IQCJ: variants seen among roughly 807,000 people sequenced by gnomAD.
IQCJ encodes IQ domain-containing protein J.
In IQCJ, 9 loss-of-function variants were observed where a neutral mutation model predicts 11.0. The ratio of observed to expected loss-of-function variants is 0.82; its 90% confidence interval spans 0.49 to 1.43. The LOEUF (loss-of-function observed/expected upper bound fraction) is 1.43. Ranked by LOEUF, IQCJ falls within the 40% of genes most tolerant of loss-of-function variation. The pLI is 0.00. For missense variants in IQCJ, 146 were observed against 133.2 expected (o/e 1.10, Z -0.47); for synonymous variants, 55 against 51.3 (o/e 1.07, Z -0.31).
chr3:159,114,100 G>T (rs1718803390), intron 1 of IQCJ, among the ~76,000 whole-genome samples: 1 of 152,052 alleles, frequency 6.6e-6, no homozygotes. Context: ...GTGTAAAATT[G>T]GCACTTGCTA....
At chr3:159,090,974 G>A (rs1450152743) in intron 1 of IQCJ, among the ~76,000 whole-genome samples, 1 of 151,878 alleles carries the variant, frequency 6.6e-6, no homozygotes, top group East Asian at 1.9e-4. Context: ...TCCTGCAGAT[G>A]TAGCTAAAAA....
chr3:159,084,776 T>C (rs941520222), intron 1 of IQCJ, among the ~76,000 whole-genome samples: 5 of 152,038 alleles, frequency 3.3e-5, no homozygotes, highest in African/African-American at 4.8e-5. Context: ...GAAAAACTCA[T>C]GAAAATGACA....
At chr3:159,196,385 C>T (rs7651706) in intron 1 of IQCJ, among the ~76,000 whole-genome samples, 15,237 of 152,122 alleles carry the variant, frequency 0.1, 2,572 homozygotes, top group African/African-American at 0.35. Flanking sequence ...TTTAGGGATA[C>T]GGCTCCCAAA....
At chr3:159,171,515 A>C (rs1722483547) in intron 1 of IQCJ, among the ~76,000 whole-genome samples, 1 of 152,162 alleles carries the variant, frequency 6.6e-6, no homozygotes, top group Non-Finnish European at 1.5e-5. Flanking sequence ...GGTAATGCTG[A>C]TGCTGCAGAT....
chr3:159,229,305 A>G (rs1053706954), intron 1 of IQCJ, among the ~76,000 whole-genome samples: 3 of 151,168 alleles, frequency 2.0e-5, no homozygotes, highest in East Asian at 3.9e-4. Context: ...TCTTGGCCCT[A>G]TCTAGAATAT....
At chr3:159,227,791 A>T (rs891230850) in intron 1 of IQCJ, among the ~76,000 whole-genome samples, 1 of 152,244 alleles carries the variant, frequency 6.6e-6, no homozygotes, top group African/African-American at 2.4e-5. Context: ...TTTTCGGAAG[A>T]GCCTTTCCAA....
At chr3:159,147,366 C>A (rs1021973506) in intron 1 of IQCJ, among the ~76,000 whole-genome samples, 15 of 152,188 alleles carry the variant, frequency 9.9e-5, no homozygotes, top group African/African-American at 3.1e-4. Flanking sequence ...TCAATCACAG[C>A]CTTTGCTTCT....
At chr3:159,224,888 A>C (rs1013458432) in intron 1 of IQCJ, among the ~76,000 whole-genome samples, 1 of 152,194 alleles carries the variant, frequency 6.6e-6, no homozygotes, top group Non-Finnish European at 1.5e-5. Flanking sequence ...AATGGGAAAC[A>C]CAAAACACTG....
chr3:159,201,923 A>G (rs974204731), intron 1 of IQCJ, among the ~76,000 whole-genome samples: 9 of 152,288 alleles, frequency 5.9e-5, no homozygotes, highest in East Asian at 5.8e-4. Flanking sequence ...CGTGGAGCTT[A>G]TAGTTTGAAA....
At chr3:159,163,109 A>G (rs1319932907) in intron 1 of IQCJ, among the ~76,000 whole-genome samples, 1 of 152,258 alleles carries the variant, frequency 6.6e-6, no homozygotes, top group Non-Finnish European at 1.5e-5. Flanking sequence ...AGCTGGGCAG[A>G]GACACAACCA....
At chr3:159,161,110 C>T (rs543536119) in intron 1 of IQCJ, among the ~76,000 whole-genome samples, 2 of 152,284 alleles carry the variant, frequency 1.3e-5, no homozygotes, top group South Asian at 4.1e-4. Flanking sequence ...TCGCCACATC[C>T]ACTTCCACAA....
Position 159,162,061 on chromosome 3 carries a change from T to C in IQCJ, c.10-83782T>C, listed in dbSNP as rs541427349. Among the ~76,000 whole-genome samples the C allele has an allele frequency of 3.6e-4, 55 of 152,348 alleles. No individual in the cohort carries two copies. The East Asian group carries it at 9.8e-3, about 27-fold the overall frequency. On this transcript the variant is annotated intron_variant, in intron 1 of 3. Transcript: ENST00000397832. ...ACTTTAAAGAAGTTTTTTCCAATTC[T>C]GTGAAGAAAGTCATTGGTACCTTGA...
At chr3:159,150,543 G>C (rs909350074) in intron 1 of IQCJ, among the ~76,000 whole-genome samples, 1 of 151,898 alleles carries the variant, frequency 6.6e-6, no homozygotes, top group Non-Finnish European at 1.5e-5. Context: ...GCCACGGAGG[G>C]TGTGTATCAG....
intron 1 of IQCJ, among the ~76,000 whole-genome samples, chr3:159,108,573 T>C (rs1293580419): frequency 2.0e-5 from 3 of 152,240 alleles, no homozygotes; most frequent in African/African-American, 4.8e-5. Context: ...GTTACTTACA[T>C]TGAGCCTCTC....
intron 1 of IQCJ, among the ~76,000 whole-genome samples, chr3:159,092,082 G>A (rs1717353410): frequency 6.6e-6 from 1 of 151,872 alleles, no homozygotes; most frequent in Non-Finnish European, 1.5e-5. Context: ...CTCTACAGTG[G>A]AAAGCTCTGG....
chr3:159,183,116 G>C (rs906712091), intron 1 of IQCJ, among the ~76,000 whole-genome samples: 1 of 152,042 alleles, frequency 6.6e-6, no homozygotes, highest in Non-Finnish European at 1.5e-5. Context: ...CCTTTGATTT[G>C]GCACAGGATA....
intron 1 of IQCJ, among the ~76,000 whole-genome samples, chr3:159,172,715 G>A (rs1415706556): frequency 2.2e-5 from 3 of 135,704 alleles, no homozygotes; most frequent in African/African-American, 8.1e-5. Context: ...TTACCCAGAG[G>A]TGACACAGAA....
At chr3:159,233,267 C>G (rs1444593642) in intron 1 of IQCJ, among the ~76,000 whole-genome samples, 1 of 152,066 alleles carries the variant, frequency 6.6e-6, no homozygotes, top group East Asian at 1.9e-4. Flanking sequence ...CTGCCAGGCC[C>G]AGGGGCTTAG....
At chr3:159,127,594 T>A (rs1719747993) in intron 1 of IQCJ, among the ~76,000 whole-genome samples, 1 of 152,180 alleles carries the variant, frequency 6.6e-6, no homozygotes, top group Admixed American at 6.5e-5. Context: ...CAATTTCACA[T>A]GATTTATGTT....
Sources: allele counts gnomAD v4.1 joint callset (sites outside exome capture counted in the v4.1 genomes callset), GRCh38; gene constraint gnomAD v4.1.1; transcripts MANE v1.5; gene names NCBI Gene and HGNC (gene_info 2026-07-23, HGNC 2026-07-21).